Variants in SCN3A observed in about 807,000 individuals in gnomAD.
SCN3A encodes the protein sodium voltage-gated channel alpha subunit 3, also known as sodium channel protein type 3 subunit alpha.
Under a neutral mutation model 187.6 loss-of-function variants are expected in SCN3A, and 60 were observed. The observed-to-expected ratio is 0.32, with a 90% CI of 0.26 to 0.40. SCN3A has a LOEUF of 0.40. Ranked by LOEUF, SCN3A falls within the 10% of genes least tolerant of loss-of-function variation. SCN3A has a pLI of 1.00. For missense variants in SCN3A, 1,601 were observed against 2,428.2 expected (o/e 0.66, Z 7.16); for synonymous variants, 788 against 829.2 (o/e 0.95, Z 0.85).
In SCN3A at chr2:165,204,034, C is replaced by T. The variant is rs957294905; in HGVS notation, c.-459G>A. 2 of 148,990 alleles carry T rather than the reference C, an allele frequency of 1.3e-5. No individual in the cohort carries two copies. Among genetic ancestry groups the T allele is most frequent in the Admixed American group, 1.3e-4 (2 of 14,838 alleles). The allele number at this position is 148,990 out of a possible 1,614,324, so 9.2% of individuals were successfully genotyped here. A position where few individuals can be genotyped will look rare whatever the true frequency, so the allele number is the denominator to read the frequency against. On this transcript the variant is annotated 5_prime_UTR_variant, in exon 1 of 28. Coordinates refer to ENST00000283254, the MANE Select transcript of SCN3A (RefSeq NM_006922.4). ...CTTTCCAGAATCCTCTCTGCTTATG[C>T]CTCCGCTTCCTGTTCTGAGATTCAC...
At chr2:165,107,760 A>G (rs1685932493) in intron 21 of SCN3A, among the ~76,000 whole-genome samples, 1 of 152,254 alleles carries the variant, frequency 6.6e-6, no homozygotes, top group African/African-American at 2.4e-5. Context: ...TACTAGCTGT[A>G]TGACATTTCT....
At chr2:165,137,756 A>G in intron 15 of SCN3A, 123 bp downstream of exon 15, 1 of 784,186 alleles carries the variant, frequency 1.3e-6, no homozygotes, top group Non-Finnish European at 2.3e-6. Context: ...TTCCTTAGAT[A>G]TTTCTTTCTA....
rs752507629 is a variant in SCN3A, at chr2:165,168,787, T to G, written c.422A>C (p.Asn141Thr). 1 of 1,612,446 alleles carries G rather than the reference T, an allele frequency of 6.2e-7. No individual in the cohort carries two copies. Among genetic ancestry groups the G allele is most frequent in the Non-Finnish European group, 8.5e-7 (1 of 1,178,766 alleles). ...GTTGCTCAAGGTCATAAATACACAG[T>G]TGGTCAAAATAGTGCACATGATAAG... is the stretch of plus-strand genomic sequence containing the variant. ...SMLIMCTILT[N>T]CVFMTLSNPP... The change falls in exon 5 of 28, where the codon AAC becomes ACC. Residue 141 changes from asparagine to threonine, a missense_variant. By Grantham distance (65) the Asn-to-Thr change is moderately conservative. Coordinates refer to ENST00000283254, the MANE Select transcript of SCN3A (RefSeq NM_006922.4).
chr2:165,172,215 A>T (rs1367146855), intron 3 of SCN3A, among the ~76,000 whole-genome samples: 2 of 152,144 alleles, frequency 1.3e-5, no homozygotes, highest in Non-Finnish European at 2.9e-5. Flanking sequence ...TTTGTGTTTA[A>T]GACCATCAAG....
Position 165,167,157 on chromosome 2 carries a change from T to A in SCN3A, c.473+1579A>T, listed in dbSNP as rs114885977. ...GCCTTCTTTAACTATCTTTTAATAA[T>A]GTTATACAAATAAATGAAATTGATA... is the stretch of plus-strand genomic sequence containing the variant. On this transcript the variant is annotated intron_variant, in intron 5 of 27. Transcript: ENST00000283254. Among the ~76,000 whole-genome samples the A allele has an allele frequency of 9.0e-3, 1,373 of 152,312 alleles. 30 individuals carry two copies. Among genetic ancestry groups the A allele is most frequent in the African/African-American group, 0.031 (1,306 of 41,562 alleles).
chr2:165,092,707 G>A lies in SCN3A; in HGVS notation c.4537-183C>T. ...AAAAAATGGAAAAAAAATTTATATA[G>A]CTAAACAAAGCATATTTGGTTTATA... On this transcript the variant is annotated intron_variant, in intron 26 of 27. Coordinates refer to ENST00000283254, the MANE Select transcript of SCN3A (RefSeq NM_006922.4). This position sits in a 1 kb window ranked among gnomAD's most constrained non-coding sequence, Gnocchi z 4.2. The A allele has an allele frequency of 1.6e-6, 1 of 612,480 alleles. No individual in the cohort carries two copies. The highest frequency in any genetic ancestry group is 2.8e-6 in the Non-Finnish European group (1 of 353,342). 37.9% of individuals were successfully genotyped at this position (612,480 alleles called of 1,614,324 possible).
At chr2:165,130,482 A>G (rs1559210849) in intron 16 of SCN3A, 186 bp from the exon 17 acceptor site, 7 of 626,672 alleles carry the variant, frequency 1.1e-5, no homozygotes, top group Non-Finnish European at 1.4e-5. Context: ...TCTGGTCATA[A>G]TATCATTTAA....
chr2:165,154,065 C>T lies in SCN3A; in HGVS notation c.1380+387G>A, dbSNP rs530136713. 2.0e-4 allele frequency among the ~76,000 whole-genome samples: 27 copies of T among 132,868 alleles called. 1 individual carries two copies. The South Asian group carries it at 5.0e-3, about 24-fold the overall frequency. The allele number at this position is 132,868 out of a possible 152,430, so 87.2% of individuals were successfully genotyped here. A position where few individuals can be genotyped will look rare whatever the true frequency, so the allele number is the denominator to read the frequency against. On this transcript the variant is annotated intron_variant, in intron 11 of 27. Coordinates refer to ENST00000283254, the MANE Select transcript of SCN3A (RefSeq NM_006922.4). ...AGGTATATATAAAGTCTCTTGTCAACCTTTAAAATCAATTAACTTCAGAAC... is the reference window on the plus strand; with the variant it reads ...AGGTATATATAAAGTCTCTTGTCAATCTTTAAAATCAATTAACTTCAGAAC...
intron 18 of SCN3A, among the ~76,000 whole-genome samples, chr2:165,116,833 T>A (rs1686388884): frequency 6.6e-6 from 1 of 152,072 alleles, no homozygotes; most frequent in African/African-American, 2.4e-5. Context: ...GAAAATTACT[T>A]TAAGTCAAAA....
chr2:165,093,348 T>A (rs1262406241), intron 26 of SCN3A: 1 of 152,150 alleles, frequency 6.6e-6, no homozygotes, highest in Non-Finnish European at 1.5e-5. Context: ...GCTTGTTAAT[T>A]TATCTGTATT....
intron 9 of SCN3A, 65 bp downstream of exon 9, chr2:165,162,243 T>C (rs1689443799): frequency 2.1e-6 from 3 of 1,415,174 alleles, no homozygotes; most frequent in African/African-American, 3.0e-5. Flanking sequence ...ATGTAGTTGT[T>C]TTCCTACCTA....
intron 20 of SCN3A, among the ~76,000 whole-genome samples, chr2:165,113,359 G>T (rs1686210413): frequency 6.6e-6 from 1 of 151,992 alleles, no homozygotes; most frequent in African/African-American, 2.4e-5. Flanking sequence ...GAAATAACTA[G>T]AAGTTCTGTT....
At chr2:165,157,183 T>A (rs1452099515) in intron 9 of SCN3A, among the ~76,000 whole-genome samples, 2 of 152,200 alleles carry the variant, frequency 1.3e-5, no homozygotes, top group Non-Finnish European at 2.9e-5. Context: ...GTGCTGGGAT[T>A]ACAGGCGAGA....
At chr2:165,146,684 A>G in intron 12 of SCN3A, 55 bp downstream of exon 12, 1 of 1,600,892 alleles carries the variant, frequency 6.2e-7, no homozygotes, top group Non-Finnish European at 8.6e-7. Flanking sequence ...AAATACAAAA[A>G]CTAAAAAGCA....
In SCN3A at chr2:165,140,482, A is replaced by C. The variant is rs1687940477; in HGVS notation, c.2019+169T>G. ...CAACAAAAGCTAATGGTCCCATACA[A>C]TTCAATTGATTCTCAATATTCTATT... On this transcript the variant is annotated intron_variant, in intron 13 of 27. Transcript: ENST00000283254. The surrounding 1 kb of genome is among the most constrained non-coding windows in gnomAD (Gnocchi z 4.2). Among the ~76,000 whole-genome samples the C allele has an allele frequency of 6.6e-6, 1 of 152,172 alleles. No homozygotes were observed. Among genetic ancestry groups the C allele is most frequent in the South Asian group, 2.1e-4 (1 of 4,826 alleles).
chr2:165,179,470 A>C (rs576786148), intron 2 of SCN3A: 2 of 152,356 alleles, frequency 1.3e-5, no homozygotes, highest in South Asian at 4.1e-4. Flanking sequence ...TTCACAAATT[A>C]TTCTGATTTA....
At chr2:165,196,277 CATG>C (rs1459711784) in intron 1 of SCN3A, among the ~76,000 whole-genome samples, 1 of 151,944 alleles carries the variant, frequency 6.6e-6, no homozygotes, top group African/African-American at 2.4e-5. Flanking sequence ...TGGCCTCGAA[CATG>C]ATAACTTTGC....
intron 1 of SCN3A, among the ~76,000 whole-genome samples, chr2:165,189,710 G>C (rs570754082): frequency 6.6e-6 from 1 of 151,952 alleles, no homozygotes; most frequent in Admixed American, 6.6e-5. Flanking sequence ...GGTTATTTTA[G>C]TTTATCCTGA....
intron 11 of SCN3A, among the ~76,000 whole-genome samples, chr2:165,151,663 T>C (rs550596979): frequency 1.3e-5 from 2 of 152,268 alleles, no homozygotes; most frequent in Admixed American, 1.3e-4. Flanking sequence ...ATGGATGAGA[T>C]GAAGCTGAGT....
Sources: gnomAD v4.1 joint callset for allele counts (sites outside exome capture counted in the v4.1 genomes callset) on GRCh38, gnomAD v4.1.1 for gene constraint, Gnocchi (gnomAD v3.1) non-coding constraint, MANE v1.5 for transcripts, NCBI Gene and HGNC (gene_info 2026-07-23, HGNC 2026-07-21) for gene names.